Variants in ZNF407 observed in about 807,000 individuals in gnomAD.
The protein encoded by ZNF407 is zinc finger protein 407.
A neutral mutation model predicts 131.2 loss-of-function variants in ZNF407; 17 were observed. The ratio of observed to expected loss-of-function variants is 0.13; its 90% confidence interval spans 0.09 to 0.19. The LOEUF is 0.19. Among genes scored for constraint, ZNF407 ranks in the 10% least tolerant of loss-of-function variants. The pLI, the probability that ZNF407 is intolerant of heterozygous loss-of-function variation, is 1.00. For synonymous variants in ZNF407, 1,156 were observed against 1,062.0 expected (o/e 1.09, Z -1.72); for missense variants, 2,681 against 2,830.6 (o/e 0.95, Z 1.20).
chr18:75,020,415 A>T (rs896757229), intron 8 of ZNF407, among the ~76,000 whole-genome samples: 1 of 152,110 alleles, frequency 6.6e-6, no homozygotes, highest in Non-Finnish European at 1.5e-5. Flanking sequence ...TTCCCTGCAC[A>T]TAAGGGCACT....
intron 4 of ZNF407, among the ~76,000 whole-genome samples, chr18:74,818,941 C>CAAT (rs141138647): frequency 0.014 from 2,058 of 146,728 alleles, 46 homozygotes; most frequent in African/African-American, 0.049. Flanking sequence ...ATAAAGAAAA[C>CAAT]AATTTTTCTC....
chr18:75,053,251 C>T (rs560663873), intron 8 of ZNF407, among the ~76,000 whole-genome samples: 6 of 152,322 alleles, frequency 3.9e-5, no homozygotes, highest in East Asian at 3.9e-4. Context: ...CGCCTCACCC[C>T]GTCCTGTGCA....
chr18:75,033,826 A>G (rs1030623610), intron 8 of ZNF407, among the ~76,000 whole-genome samples: 2 of 151,472 alleles, frequency 1.3e-5, no homozygotes, highest in Non-Finnish European at 2.9e-5. Context: ...CCCGTGGGAT[A>G]TATCATCTTT....
chr18:74,867,274 A>T (rs1971026044), intron 4 of ZNF407, among the ~76,000 whole-genome samples: 1 of 152,166 alleles, frequency 6.6e-6, no homozygotes, highest in Non-Finnish European at 1.5e-5. Context: ...CTGTTTGTAA[A>T]CTATACGATA....
chr18:74,605,633 C>T (rs545990742), intron 1 of ZNF407, among the ~76,000 whole-genome samples: 63 of 152,116 alleles, frequency 4.1e-4, no homozygotes, highest in Non-Finnish European at 7.6e-4. Context: ...GCAGTTGTTA[C>T]CCTGAATCGT....
At chr18:75,039,507 G>C (rs1406188743) in intron 8 of ZNF407, among the ~76,000 whole-genome samples, 1 of 152,170 alleles carries the variant, frequency 6.6e-6, no homozygotes, top group African/African-American at 2.4e-5. Context: ...CGGTGCTGCA[G>C]GGAAATTCAG....
rs149378246 is a variant in ZNF407, at chr18:74,890,360, C to G, written c.5249+322C>G. 3.2e-3 allele frequency among the ~76,000 whole-genome samples: 487 copies of G among 152,156 alleles called. 3 individuals are homozygous for G. Among genetic ancestry groups the G allele is most frequent in the African/African-American group, 0.012 (479 of 41,530 alleles). On this transcript the variant is annotated intron_variant, in intron 7 of 8. Coordinates refer to ENST00000299687, the MANE Select transcript of ZNF407 (RefSeq NM_017757.3). The stretch of plus-strand genomic sequence containing the variant: ...GAACCTACATTGACATGATTCTCAC[C>G]CAGAGTCTATACTTTCATTTAGGAT...
chr18:74,974,782 G>A (rs539570566), intron 8 of ZNF407, among the ~76,000 whole-genome samples: 74 of 152,204 alleles, frequency 4.9e-4, no homozygotes, highest in African/African-American at 1.6e-3. Flanking sequence ...TTTAAGTATG[G>A]GGTAAATCAT....
At chr18:74,769,118 C>A (rs1969308171) in intron 3 of ZNF407, among the ~76,000 whole-genome samples, 1 of 152,112 alleles carries the variant, frequency 6.6e-6, no homozygotes, top group Non-Finnish European at 1.5e-5. Flanking sequence ...TTCATAGCAA[C>A]CCTAGGGAAG....
intron 4 of ZNF407, among the ~76,000 whole-genome samples, chr18:74,872,768 A>G (rs1261631939): frequency 4.1e-5 from 2 of 48,924 alleles, no homozygotes; most frequent in Non-Finnish European, 7.8e-5. Flanking sequence ...AAAAAAAAGA[A>G]AAAAAAAAAA....
chr18:74,796,465 A>T (rs367672852), intron 4 of ZNF407, among the ~76,000 whole-genome samples: 1 of 152,210 alleles, frequency 6.6e-6, no homozygotes, highest in African/African-American at 2.4e-5. Context: ...GCATTTTTCT[A>T]TATAGCAGAG....
chr18:74,926,852 A>G (rs1215651878), intron 8 of ZNF407, among the ~76,000 whole-genome samples: 1 of 152,218 alleles, frequency 6.6e-6, no homozygotes, highest in Non-Finnish European at 1.5e-5. Context: ...TAATCTTTTT[A>G]AGAATAACTA....
At chr18:74,956,146 C>G (rs1972272848) in intron 8 of ZNF407, among the ~76,000 whole-genome samples, 1 of 152,170 alleles carries the variant, frequency 6.6e-6, no homozygotes, top group African/African-American at 2.4e-5. Flanking sequence ...TCCCCAGCCT[C>G]CAGCTTAATC....
At position 74,852,781 on chromosome 18, in the gene ZNF407, C is replaced by T. The variant is rs145559237; in HGVS notation, c.4878-24416C>T. On this transcript the variant is annotated intron_variant, in intron 4 of 8. Transcript: ENST00000299687. ...TGAAAAATGAGTTGTAAGTCATAAC[C>T]GAGGCTTCATAAAAAATCAATTGCA... Among the ~76,000 whole-genome samples the T allele has an allele frequency of 7.2e-3, 1,096 of 152,036 alleles. 40 individuals are homozygous for T. Among genetic ancestry groups the T allele is most frequent in the Admixed American group, 0.062 (951 of 15,274 alleles).
At chr18:74,889,360 A>G (rs543397852) in intron 6 of ZNF407, among the ~76,000 whole-genome samples, 1 of 152,206 alleles carries the variant, frequency 6.6e-6, no homozygotes, top group Admixed American at 6.5e-5. Context: ...GTATATTTTA[A>G]TGTGGTATTA....
rs1971361247 is a variant in ZNF407 at position 74,889,901 on chromosome 18, T to A, written c.5129-17T>A. On this transcript the variant is annotated splice_polypyrimidine_tract_variant and intron_variant, in intron 6 of 8. Coordinates refer to ENST00000299687, the MANE Select transcript of ZNF407 (RefSeq NM_017757.3). ...TGTTATTATTATTCATCTGTAACAT[T>A]TCTTGATATATTACAGGAGAAAAAC... The A allele has an allele frequency of 6.3e-7, 1 of 1,596,098 alleles. No individual in the cohort carries two copies. Among genetic ancestry groups the A allele is most frequent in the Non-Finnish European group, 8.5e-7 (1 of 1,170,580 alleles).
Position 74,920,595 on chromosome 18 carries a change from G to A in ZNF407, c.5331G>A (p.Lys1777=), listed in dbSNP as rs1971833946. The A allele has an allele frequency of 7.5e-6, 12 of 1,609,952 alleles. No homozygotes were observed. Among genetic ancestry groups the A allele is most frequent in the Non-Finnish European group, 1.0e-5 (12 of 1,176,860 alleles). The change falls in exon 8 of 9, where the codon AAG becomes AAA. Residue 1777 remains lysine, a synonymous_variant. Transcript: ENST00000299687. ...GAGTCAAGATGTACAACTGTCCCAA[G>A]TGTGACTACGGGACCAACGTCCCGG... ...HEGVKMYNCP[K]CDYGTNVPVE... is the part of the protein sequence containing the mutation.
intron 4 of ZNF407, among the ~76,000 whole-genome samples, chr18:74,797,523 C>T (rs984808114): frequency 1.3e-5 from 2 of 152,176 alleles, no homozygotes; most frequent in African/African-American, 4.8e-5. Flanking sequence ...ACATCTGGTA[C>T]AGAATTGTGT....
intron 7 of ZNF407, among the ~76,000 whole-genome samples, chr18:74,913,949 C>G (rs577356358): frequency 1.3e-5 from 2 of 152,276 alleles, no homozygotes; most frequent in Admixed American, 6.5e-5. Flanking sequence ...TTAAGAAGCC[C>G]TATAAGGCAT....
Sources: gnomAD v4.1 joint callset for allele counts (sites outside exome capture counted in the v4.1 genomes callset) on GRCh38, gnomAD v4.1.1 for gene constraint, MANE v1.5 for transcripts, NCBI Gene and HGNC (gene_info 2026-07-23, HGNC 2026-07-21) for gene names.